RBM17: variants seen among roughly 807,000 people sequenced by gnomAD.
The protein encoded by RBM17 is splicing factor 45.
RBM17 carries 7 observed loss-of-function variants against 53.2 expected under a neutral mutation model. That is an observed-to-expected ratio of 0.13 (90% confidence interval 0.07 to 0.25). The LOEUF is 0.25. Among genes scored for constraint, RBM17 ranks in the 10% least tolerant of loss-of-function variants. RBM17 has a pLI of 1.00. For missense variants in RBM17, 257 were observed against 496.7 expected (o/e 0.52, Z 4.59); for synonymous variants, 167 against 178.1 (o/e 0.94, Z 0.50).
intron 1 of RBM17, among the ~76,000 whole-genome samples, chr10:6,096,598 A>AT (rs1027589414): frequency 9.2e-5 from 14 of 152,110 alleles, no homozygotes; most frequent in Non-Finnish European, 1.5e-4. Context: ...CATTTCTGTC[A>AT]TTTTTTTCCC....
rs188699622 is a variant in RBM17, at chr10:6,111,503, C to T, written c.705-707C>T. ...TACAGGTGCACACCATCATGCCCAG[C>T]TAATTTTTACATTTTTAGTAGAGAT... On this transcript the variant is annotated intron_variant, in intron 7 of 11. Transcript: ENST00000379888. 5.6e-3 allele frequency among the ~76,000 whole-genome samples: 853 copies of T among 152,298 alleles called. 1 individual carries two copies. Among genetic ancestry groups the T allele is most frequent in the Middle Eastern group, 0.01 (3 of 294 alleles).
chr10:6,113,082 A>AC (rs1368539830), intron 8 of RBM17: 1 of 179,130 alleles, frequency 5.6e-6, no homozygotes, highest in Non-Finnish European at 1.2e-5. Context: ...AGTGCCAGAA[A>AC]CCAACAGTTG....
chr10:6,110,215 GA>G (rs1840816637), intron 7 of RBM17, 88 bp downstream of exon 7: 10 of 1,274,896 alleles, frequency 7.8e-6, no homozygotes, highest in Non-Finnish European at 1.1e-5. Context: ...GTTTGAAACT[GA>G]GGACATTCAG....
chr10:6,112,545 G>A lies in RBM17; in HGVS notation c.856+184G>A, dbSNP rs180801934. 59 of 660,746 alleles carry A rather than the reference G, an allele frequency of 8.9e-5. 1 individual carries two copies. The highest frequency in any genetic ancestry group is 4.9e-4 in the South Asian group (27 of 54,732). The allele number at this position is 660,746 out of a possible 1,614,324, so 40.9% of individuals were successfully genotyped here. On this transcript the variant is annotated intron_variant, in intron 8 of 11. Coordinates refer to ENST00000379888, the MANE Select transcript of RBM17 (RefSeq NM_032905.5). The surrounding 1 kb of genome is among the most constrained non-coding windows in gnomAD (Gnocchi z 4.4). ...GTTCATATGATGCACTGCCACTTCC[G>A]TTTTGTGAAACCAGGAATCCTGAGG...
intron 2 of RBM17, among the ~76,000 whole-genome samples, chr10:6,098,563 G>GTCTTT (rs1554834988): frequency 2.1e-5 from 1 of 46,642 alleles, no homozygotes; most frequent in Non-Finnish European, 4.4e-5. Context: ...CAGGTTTTTT[G>GTCTTT]TTTTTTTTTT....
chr10:6,095,592 C>T (rs1328865566), intron 1 of RBM17, among the ~76,000 whole-genome samples: 2 of 152,192 alleles, frequency 1.3e-5, no homozygotes, highest in African/African-American at 4.8e-5. Context: ...TGCTTCTCTA[C>T]GGCCTTGCGG....
Position 6,108,721 on chromosome 10 carries a change from C to T in RBM17, c.541C>T (p.Leu181=), listed in dbSNP as rs758626686. ...AGCTGCCATTGCCCCACCCACTTCT[C>T]TGGTAGAGAAAGACAAAGAGTGTAA... ...GGAAIAPPTS[L]VEKDKELPRD... is the part of the protein sequence containing the mutation. Residue 181 remains leucine, a synonymous_variant, in exon 6 of 12, where the codon CTG becomes TTG. Transcript: ENST00000379888. The T allele has an allele frequency of 2.5e-5, 41 of 1,612,608 alleles. No homozygotes were observed. Among genetic ancestry groups the T allele is most frequent in the Non-Finnish European group, 3.4e-5 (40 of 1,179,500 alleles).
Position 6,112,433 on chromosome 10 carries a change from G to C in RBM17, c.856+72G>C. 6.4e-7 allele frequency: 1 copy of C among 1,564,044 alleles called. No homozygotes were observed. The highest frequency in any genetic ancestry group is 8.8e-7 in the Non-Finnish European group (1 of 1,141,804). On this transcript the variant is annotated intron_variant, in intron 8 of 11. Coordinates refer to ENST00000379888, the MANE Select transcript of RBM17 (RefSeq NM_032905.5). This position sits in a 1 kb window ranked among gnomAD's most constrained non-coding sequence, Gnocchi z 4.4. ...ATCCATATCAGACATGGCCAGTCTTGATCCTCATGTGTCAGCAGGGGGACA... is the reference window on the plus strand; with the variant it reads ...ATCCATATCAGACATGGCCAGTCTTCATCCTCATGTGTCAGCAGGGGGACA...
At chr10:6,108,316 A>ATGTG (rs1840785374) in intron 5 of RBM17, among the ~76,000 whole-genome samples, 1 of 152,116 alleles carries the variant, frequency 6.6e-6, no homozygotes, top group East Asian at 1.9e-4. Context: ...GAACGAGGCC[A>ATGTG]TGTGTATAAA....
rs1840933110 is a variant in RBM17, at chr10:6,117,165, T to A, written c.*1609T>A. On this transcript the variant is annotated 3_prime_UTR_variant, in exon 12 of 12. Transcript: ENST00000379888. The stretch of plus-strand genomic sequence containing the variant: ...CTAAATGGGTGGCTTTTCCTAACAT[T>A]CTCATGGTCAGCAACCAGAGAGTTG... 6.6e-6 allele frequency: 1 copy of A among 152,332 alleles called. No homozygotes were observed. Among genetic ancestry groups the A allele is most frequent in the Non-Finnish European group, 1.5e-5 (1 of 68,026 alleles). The allele number at this position is 152,332 out of a possible 1,614,324, so 9.4% of individuals were successfully genotyped here.
In RBM17 at chr10:6,101,369, T is replaced by C; in HGVS notation, c.222T>C (p.His74=). The C allele has an allele frequency of 6.2e-7, 1 of 1,612,204 alleles. No homozygotes were observed. The highest frequency in any genetic ancestry group is 8.5e-7 in the Non-Finnish European group (1 of 1,179,070). Residue 74 remains histidine, a synonymous_variant, in exon 3 of 12, where the codon CAT becomes CAC. Coordinates refer to ENST00000379888, the MANE Select transcript of RBM17 (RefSeq NM_032905.5). ...DDRQIVDTPP[H]VAAGLKDPVP... ...GGCAAATTGTGGACACTCCACCGCA[T>C]GTAGCAGCTGGGCTGAAGGTAAGCC...
chr10:6,106,750 G>A (rs1438765122), intron 5 of RBM17, among the ~76,000 whole-genome samples: 1 of 152,136 alleles, frequency 6.6e-6, no homozygotes, highest in Non-Finnish European at 1.5e-5. Flanking sequence ...TAATAAGGAG[G>A]CATGCTTTCC....
chr10:6,113,709 C>G (rs1225156333), intron 9 of RBM17, 128 bp downstream of exon 9: 3 of 683,934 alleles, frequency 4.4e-6, no homozygotes, highest in Non-Finnish European at 7.7e-6. Context: ...GGGCAGATCC[C>G]ACGTAAGGCT....
rs1408478521 is a variant in RBM17 at position 6,112,035 on chromosome 10, T to G, written c.705-175T>G. Among the ~76,000 whole-genome samples, 3 of 152,170 alleles carry G rather than the reference T, an allele frequency of 2.0e-5. No individual in the cohort carries two copies. Among genetic ancestry groups the G allele is most frequent in the African/African-American group, 4.8e-5 (2 of 41,438 alleles). ...ATAGCTTTTTCTATTTCTTTCATGCTGCACATCCCCACAGCTTCCATCTAA... is the reference window on the plus strand; with the variant it reads ...ATAGCTTTTTCTATTTCTTTCATGCGGCACATCCCCACAGCTTCCATCTAA... On this transcript the variant is annotated intron_variant, in intron 7 of 11. Transcript: ENST00000379888. This position sits in a 1 kb window ranked among gnomAD's most constrained non-coding sequence, Gnocchi z 4.4.
intron 5 of RBM17, among the ~76,000 whole-genome samples, chr10:6,107,447 G>A (rs1395659272): frequency 2.1e-5 from 3 of 143,108 alleles, no homozygotes; most frequent in African/African-American, 7.7e-5. Context: ...CAAAGTCCTG[G>A]GATTACAGGT....
At chr10:6,103,372 C>G (rs1412723923) in intron 3 of RBM17, among the ~76,000 whole-genome samples, 1 of 152,110 alleles carries the variant, frequency 6.6e-6, no homozygotes, top group African/African-American at 2.4e-5. Context: ...CATTGTTAAG[C>G]ATAGCAGGGT....
rs546362033 is a variant in RBM17, at chr10:6,096,869, A to G, written c.-18-179A>G. 6.9e-4 allele frequency: 281 copies of G among 407,782 alleles called. 1 individual carries two copies. Among genetic ancestry groups the G allele is most frequent in the South Asian group, 1.1e-3 (24 of 22,164 alleles). 25.3% of individuals were successfully genotyped at this position (407,782 alleles called of 1,614,324 possible). Reference sequence around the variant, plus strand: ...ATTTTAGAGGCTTATTTTAAAAATAATCCATGGTCTAGCTTCATGTATCAG... The same window carrying G: ...ATTTTAGAGGCTTATTTTAAAAATAGTCCATGGTCTAGCTTCATGTATCAG... On this transcript the variant is annotated intron_variant, in intron 1 of 11. Coordinates refer to ENST00000379888, the MANE Select transcript of RBM17 (RefSeq NM_032905.5).
At chr10:6,108,429 G>C (rs1176345070) in intron 5 of RBM17, 1 of 466,536 alleles carries the variant, frequency 2.1e-6, no homozygotes, top group East Asian at 3.6e-5. Context: ...TTCATTTGCA[G>C]ACTACATTGT....
At chr10:6,108,200 G>A (rs528586927) in intron 5 of RBM17, among the ~76,000 whole-genome samples, 13 of 152,296 alleles carry the variant, frequency 8.5e-5, no homozygotes, top group Admixed American at 5.2e-4. Flanking sequence ...ATATGGCAAC[G>A]CAGGGAGCTG....
Sources: allele counts gnomAD v4.1 joint callset (sites outside exome capture counted in the v4.1 genomes callset), GRCh38; gene constraint gnomAD v4.1.1; non-coding constraint Gnocchi (gnomAD v3.1); transcripts MANE v1.5; gene names NCBI Gene and HGNC (gene_info 2026-07-23, HGNC 2026-07-21).